MCPH1: variants seen among roughly 807,000 people sequenced by gnomAD.
MCPH1 encodes the protein microcephalin 1.
MCPH1 carries 104 observed loss-of-function variants against 84.5 expected under a neutral mutation model. That is an observed-to-expected ratio of 1.23 (90% CI 1.05 to 1.45). MCPH1 has a LOEUF of 1.45. Among genes scored for constraint, MCPH1 ranks in the 40% most tolerant of loss-of-function variants. The pLI is 0.00. For synonymous variants in MCPH1, 514 were observed against 366.8 expected (o/e 1.40, Z -4.58); for missense variants, 1,498 against 1,005.7 (o/e 1.49, Z -6.62).
Position 6,431,552 on chromosome 8 carries a change from T to C in MCPH1, c.287T>C (p.Met96Thr), listed in dbSNP as rs2129554045. Residue 96 changes from methionine (M) to threonine (T), a missense_variant, in exon 4 of 14, where the codon ATG (methionine) becomes ACG (threonine). Transcript: ENST00000344683. ...GAATCATTGTTCCCTGCAGCTAATA[T>C]GAATGAACACTTATCAAGCCTAATT... is the stretch of plus-strand genomic sequence containing the variant. ...IDESLFPAAN[M>T]NEHLSSLIKK... 1.9e-6 allele frequency: 3 copies of C among 1,613,388 alleles called. No individual in the cohort carries two copies. The highest frequency in any genetic ancestry group is 1.7e-6 in the Non-Finnish European group (2 of 1,179,518).
Position 6,636,109 on chromosome 8 carries a change from C to T in MCPH1, c.2453-6885C>T, listed in dbSNP as rs543431699. ...ATCCCAGCACTTTGGGAGGCCAAGG[C>T]GGGCAGATCACTTGAGGCCAGGAGT... On this transcript the variant is annotated intron_variant, in intron 13 of 13. Coordinates refer to ENST00000344683, the MANE Select transcript of MCPH1 (RefSeq NM_024596.5). Among the ~76,000 whole-genome samples the T allele has an allele frequency of 2.6e-5, 4 of 152,280 alleles. No individual in the cohort carries two copies. The East Asian group carries it at 5.8e-4, about 22-fold the overall frequency.
At chr8:6,613,818 G>A (rs373272401) in intron 12 of MCPH1, among the ~76,000 whole-genome samples, 13 of 152,120 alleles carry the variant, frequency 8.5e-5, no homozygotes, top group Admixed American at 2.0e-4. Context: ...GGAACAGGAC[G>A]CTTTGAGGTG....
intron 13 of MCPH1, among the ~76,000 whole-genome samples, chr8:6,623,003 G>C (rs1831624205): frequency 7.4e-6 from 1 of 135,802 alleles, no homozygotes; most frequent in South Asian, 2.4e-4. Context: ...ACGATGCCCA[G>C]CTTTACTTTC....
rs149736220 is a variant in MCPH1 at position 6,600,707 on chromosome 8, A to G, written c.2215-20747A>G. ...TAACACTGAACAAAACGATTCTACT[A>G]TGAAACGAAAGGATTGGACCTCTGT... is the stretch of plus-strand genomic sequence containing the variant. On this transcript the variant is annotated intron_variant, in intron 12 of 13. Coordinates refer to ENST00000344683, the MANE Select transcript of MCPH1 (RefSeq NM_024596.5). Among the ~76,000 whole-genome samples, 551 of 152,336 alleles carry G rather than the reference A, an allele frequency of 3.6e-3. 7 individuals are homozygous for G. Among genetic ancestry groups the G allele is most frequent in the African/African-American group, 0.013 (537 of 41,576 alleles).
In MCPH1 at chr8:6,643,092, A is replaced by C. The variant is rs779872588; in HGVS notation, c.*43A>C. 5 of 1,549,006 alleles carry C rather than the reference A, an allele frequency of 3.2e-6. No individual in the cohort carries two copies. Among genetic ancestry groups the C allele is most frequent in the Non-Finnish European group, 4.5e-6 (5 of 1,121,356 alleles). On this transcript the variant is annotated 3_prime_UTR_variant, in exon 14 of 14. Coordinates refer to ENST00000344683, the MANE Select transcript of MCPH1 (RefSeq NM_024596.5). ...TGTGGTGACTGCACACAGCTCGCAA[A>C]ACTGTCTTTGGATGTTCAAATGAGA...
chr8:6,424,371 C>T (rs907464247), intron 3 of MCPH1, among the ~76,000 whole-genome samples: 6 of 152,182 alleles, frequency 3.9e-5, no homozygotes, highest in African/African-American at 1.4e-4. Flanking sequence ...AGGCCATCAC[C>T]CCCTGCATTT....
chr8:6,556,125 G>T (rs1824571319), intron 12 of MCPH1, among the ~76,000 whole-genome samples: 1 of 151,982 alleles, frequency 6.6e-6, no homozygotes, highest in Non-Finnish European at 1.5e-5. Flanking sequence ...GTCAACCAGT[G>T]ACTTAACTTC....
chr8:6,617,900 A>AATCTATCATCTATCTATCT, intron 12 of MCPH1, among the ~76,000 whole-genome samples: 1 of 143,134 alleles, frequency 7.0e-6, no homozygotes, highest in South Asian at 2.4e-4. Flanking sequence ...CTATCTATCT[A>AATCTATCATCTATCTATCT]ATCTATCTAT....
At chr8:6,579,735 G>T (rs1228585691) in intron 12 of MCPH1, among the ~76,000 whole-genome samples, 1 of 152,198 alleles carries the variant, frequency 6.6e-6, no homozygotes, top group African/African-American at 2.4e-5. Flanking sequence ...GACACCAACA[G>T]CTCTTTACAG....
intron 13 of MCPH1, among the ~76,000 whole-genome samples, chr8:6,636,502 CAG>C (rs1797566871): frequency 6.6e-6 from 1 of 151,998 alleles, no homozygotes; most frequent in Non-Finnish European, 1.5e-5. Flanking sequence ...TTTTTTGAAA[CAG>C]AGTTTGGCTC....
At chr8:6,430,718 A>G (rs1801721981) in intron 3 of MCPH1, among the ~76,000 whole-genome samples, 2 of 152,220 alleles carry the variant, frequency 1.3e-5, no homozygotes, top group Admixed American at 1.3e-4. Context: ...TTATAAAAAC[A>G]CTTAAACAGC....
intron 12 of MCPH1, among the ~76,000 whole-genome samples, chr8:6,549,198 A>G (rs1246704052): frequency 6.6e-6 from 1 of 152,256 alleles, no homozygotes; most frequent in Non-Finnish European, 1.5e-5. Flanking sequence ...GTTGACTTCC[A>G]TAAAAGAACA....
intron 12 of MCPH1, among the ~76,000 whole-genome samples, chr8:6,561,765 T>A (rs1825578618): frequency 6.6e-6 from 1 of 152,042 alleles, no homozygotes; most frequent in Non-Finnish European, 1.5e-5. Context: ...TATAAATAGC[T>A]CCCATGTTTA....
At chr8:6,485,767 G>C (rs947029032) in intron 11 of MCPH1, among the ~76,000 whole-genome samples, 4 of 152,114 alleles carry the variant, frequency 2.6e-5, no homozygotes, top group African/African-American at 9.7e-5. Context: ...AGGTAACCAT[G>C]ATGGCAGTCA....
At chr8:6,522,242 C>A (rs1413711547) in intron 12 of MCPH1, among the ~76,000 whole-genome samples, 1 of 152,056 alleles carries the variant, frequency 6.6e-6, no homozygotes, top group Non-Finnish European at 1.5e-5. Context: ...GTAGTCACAG[C>A]TACTCTGGAG....
At chr8:6,569,018 C>T (rs1326921911) in intron 12 of MCPH1, among the ~76,000 whole-genome samples, 1 of 152,236 alleles carries the variant, frequency 6.6e-6, no homozygotes, top group African/African-American at 2.4e-5. Flanking sequence ...GCCTGGCACA[C>T]TAAGCTGGGA....
intron 13 of MCPH1, chr8:6,625,165 G>C: frequency 1.0e-6 from 1 of 985,100 alleles, no homozygotes; most frequent in Non-Finnish European, 1.2e-6. Flanking sequence ...GTGAGCCACC[G>C]TGCCTGGCCG....
intron 9 of MCPH1, among the ~76,000 whole-genome samples, chr8:6,466,006 G>GT (rs1271763117): frequency 6.6e-6 from 1 of 151,818 alleles, no homozygotes. Context: ...CCAGGCTGGA[G>GT]TGCAGTGGCG....
chr8:6,536,332 G>T (rs541796749), intron 12 of MCPH1, among the ~76,000 whole-genome samples: 5 of 152,238 alleles, frequency 3.3e-5, no homozygotes, highest in Admixed American at 2.6e-4. Context: ...TGGATGCAGG[G>T]CTGAGCACTG....
Sources: allele counts gnomAD v4.1 joint callset (sites outside exome capture counted in the v4.1 genomes callset), GRCh38; gene constraint gnomAD v4.1.1; transcripts MANE v1.5; gene names NCBI Gene and HGNC (gene_info 2026-07-23, HGNC 2026-07-21).